UNC5C: variants seen among roughly 807,000 people sequenced by gnomAD.
UNC5C encodes the protein unc-5 netrin receptor C.
Under a neutral mutation model 99.8 loss-of-function variants are expected in UNC5C, and 47 were observed. The observed-to-expected ratio is 0.47, with a 90% CI of 0.37 to 0.60. The LOEUF is 0.60. Ranked by LOEUF, UNC5C falls within the 20% of genes least tolerant of loss-of-function variation. UNC5C has a pLI of 0.00. For synonymous variants in UNC5C, 487 were observed against 452.2 expected (o/e 1.08, Z -0.98); for missense variants, 1,062 against 1,165.9 (o/e 0.91, Z 1.30).
At chr4:95,488,794 T>C (rs1315544196) in intron 1 of UNC5C, among the ~76,000 whole-genome samples, 1 of 151,730 alleles carries the variant, frequency 6.6e-6, no homozygotes, top group Non-Finnish European at 1.5e-5. Flanking sequence ...ATTGTTAGCA[T>C]AGAATATTTC....
At chr4:95,241,272 C>T (rs1414049798) in intron 7 of UNC5C, among the ~76,000 whole-genome samples, 2 of 152,154 alleles carry the variant, frequency 1.3e-5, no homozygotes, top group Admixed American at 1.3e-4. Context: ...AGAAGCTGTG[C>T]TTTATACACT....
chr4:95,255,072 T>G (rs987750104), intron 4 of UNC5C, among the ~76,000 whole-genome samples: 5 of 151,894 alleles, frequency 3.3e-5, no homozygotes, highest in Admixed American at 3.3e-4. Context: ...CTCCACCTCC[T>G]GAGTTCAAGC....
intron 3 of UNC5C, among the ~76,000 whole-genome samples, chr4:95,278,655 T>A (rs1219079697): frequency 3.9e-5 from 6 of 151,986 alleles, no homozygotes; most frequent in East Asian, 1.9e-4. Context: ...TTTAAAAAAA[T>A]TTTTTGTAGA....
chr4:95,547,064 C>G (rs1390961424), intron 1 of UNC5C, among the ~76,000 whole-genome samples: 3 of 151,908 alleles, frequency 2.0e-5, no homozygotes, highest in African/African-American at 7.3e-5. Flanking sequence ...CAAACACCCC[C>G]CTCTAAGCAC....
chr4:95,184,828 A>G (rs1185319658), intron 13 of UNC5C, among the ~76,000 whole-genome samples: 1 of 152,220 alleles, frequency 6.6e-6, no homozygotes, highest in Non-Finnish European at 1.5e-5. Context: ...TTAAAAATAA[A>G]ACAATGATAG....
At chr4:95,344,050 T>G (rs1905457) in intron 1 of UNC5C, among the ~76,000 whole-genome samples, 60,600 of 151,692 alleles carry the variant, frequency 0.4, 13,712 homozygotes, top group East Asian at 0.82. Flanking sequence ...AACAGAGAAC[T>G]TCCTACACCT....
At chr4:95,335,722 T>C in intron 1 of UNC5C, 91 bp from the exon 2 acceptor site, 1 of 1,037,382 alleles carries the variant, frequency 9.6e-7, no homozygotes, top group Middle Eastern at 3.1e-4. Flanking sequence ...GACTTATAAA[T>C]GCAGTAATTA....
At chr4:95,513,584 A>T (rs943936584) in intron 1 of UNC5C, among the ~76,000 whole-genome samples, 1 of 152,164 alleles carries the variant, frequency 6.6e-6, no homozygotes, top group Non-Finnish European at 1.5e-5. Flanking sequence ...ATCAAGACAC[A>T]TGAAGACAAC....
intron 1 of UNC5C, among the ~76,000 whole-genome samples, chr4:95,392,252 A>G (rs572806568): frequency 1.7e-4 from 26 of 152,242 alleles, no homozygotes; most frequent in Non-Finnish European, 3.1e-4. Flanking sequence ...GAGTAATTAT[A>G]TAGTTATTTC....
intron 1 of UNC5C, among the ~76,000 whole-genome samples, chr4:95,528,479 C>T (rs1208702396): frequency 6.6e-6 from 1 of 152,154 alleles, no homozygotes; most frequent in Admixed American, 6.6e-5. Context: ...GAGACCATTA[C>T]TCAAAATCCA....
At chr4:95,537,106 T>C (rs1296717429) in intron 1 of UNC5C, among the ~76,000 whole-genome samples, 6 of 152,166 alleles carry the variant, frequency 3.9e-5, no homozygotes, top group African/African-American at 1.4e-4. Flanking sequence ...CAACAAATGA[T>C]GGGTTATGTG....
intron 1 of UNC5C, among the ~76,000 whole-genome samples, chr4:95,388,514 C>T (rs1249699575): frequency 6.6e-6 from 1 of 152,156 alleles, no homozygotes; most frequent in Non-Finnish European, 1.5e-5. Context: ...TGGTATGCCA[C>T]TCTTTAGGGT....
At chr4:95,465,058 G>T (rs990892191) in intron 1 of UNC5C, among the ~76,000 whole-genome samples, 4 of 152,144 alleles carry the variant, frequency 2.6e-5, no homozygotes, top group Non-Finnish European at 5.9e-5. Context: ...AGAACCGTGG[G>T]ACTGCTGCCT....
chr4:95,292,093 G>A (rs1031200716), intron 3 of UNC5C, among the ~76,000 whole-genome samples: 1 of 151,336 alleles, frequency 6.6e-6, no homozygotes, highest in Admixed American at 6.6e-5. Flanking sequence ...ATGCCAAGTA[G>A]AGTAGACAGG....
chr4:95,368,297 G>GGAA (rs1553967131), intron 1 of UNC5C, among the ~76,000 whole-genome samples: 1 of 133,798 alleles, frequency 7.5e-6, no homozygotes, highest in East Asian at 2.2e-4. Flanking sequence ...CATCTTTTTT[G>GGAA]AAAAAAAAAA....
intron 1 of UNC5C, among the ~76,000 whole-genome samples, chr4:95,467,916 A>T (rs1298668616): frequency 6.6e-6 from 1 of 152,128 alleles, no homozygotes; most frequent in Non-Finnish European, 1.5e-5. Context: ...AGGAAGAGAA[A>T]ATATCTTTAC....
At position 95,369,867 on chromosome 4, in the gene UNC5C, A is replaced by G. The variant is rs1032943423; in HGVS notation, c.125-34236T>C. On this transcript the variant is annotated intron_variant, in intron 1 of 15. Transcript: ENST00000453304. ...AAACGAGTTGAAATGACAAGTATGG[A>G]TAAAACTGCTTTTTGTAGCCCCCCC... 9.2e-5 allele frequency among the ~76,000 whole-genome samples: 14 copies of G among 152,146 alleles called. 1 individual carries two copies. Among genetic ancestry groups the G allele is most frequent in the Admixed American group, 5.2e-4 (8 of 15,274 alleles).
chr4:95,174,875 T>A (rs935327853), intron 14 of UNC5C, among the ~76,000 whole-genome samples: 1 of 149,900 alleles, frequency 6.7e-6, no homozygotes, highest in Non-Finnish European at 1.5e-5. Context: ...TGTGTGGGAG[T>A]CTAAGTCTCT....
intron 1 of UNC5C, among the ~76,000 whole-genome samples, chr4:95,532,337 G>T (rs1474241963): frequency 6.6e-6 from 1 of 151,906 alleles, no homozygotes; most frequent in Non-Finnish European, 1.5e-5. Context: ...CTCAAAGTGG[G>T]TGATGAAGAG....
Sources: gnomAD v4.1 joint callset for allele counts (sites outside exome capture counted in the v4.1 genomes callset) on GRCh38, gnomAD v4.1.1 for gene constraint, MANE v1.5 for transcripts, NCBI Gene and HGNC (gene_info 2026-07-23, HGNC 2026-07-21) for gene names.